Variants in PDCD6 observed in about 807,000 individuals in gnomAD.
PDCD6 encodes programmed cell death protein 6.
In PDCD6, 12 loss-of-function variants were observed where a neutral mutation model predicts 28.3. The observed-to-expected ratio is 0.42, with a 90% CI of 0.27 to 0.69. The LOEUF (loss-of-function observed/expected upper bound fraction) is 0.69. PDCD6 is among the 30% of genes least tolerant of loss of function. PDCD6 has a pLI of 0.22. For synonymous variants in PDCD6, 92 were observed against 108.0 expected (o/e 0.85, Z 0.92); for missense variants, 226 against 269.9 (o/e 0.84, Z 1.14).
chr5:287,407 G>C (rs1394285477), intron 2 of PDCD6, among the ~76,000 whole-genome samples: 4 of 152,150 alleles, frequency 2.6e-5, no homozygotes, highest in African/African-American at 9.7e-5. Context: ...GAGCTTCTCA[G>C]TCCTCGGGAT....
At chr5:284,338 G>A (rs1251577922) in intron 2 of PDCD6, among the ~76,000 whole-genome samples, 2 of 152,230 alleles carry the variant, frequency 1.3e-5, no homozygotes, top group Non-Finnish European at 2.9e-5. Context: ...GGGTCGTTCA[G>A]CTGAAGACTC....
At chr5:284,874 C>CA (rs1554006085) in intron 2 of PDCD6, among the ~76,000 whole-genome samples, 13 of 143,216 alleles carry the variant, frequency 9.1e-5, no homozygotes, top group Admixed American at 2.8e-4. Flanking sequence ...GGAGACCCCG[C>CA]GGGAAGCTGA....
intron 2 of PDCD6, among the ~76,000 whole-genome samples, chr5:287,919 C>A (rs1303708924): frequency 6.6e-6 from 1 of 152,212 alleles, no homozygotes; most frequent in East Asian, 1.9e-4. Context: ...CTGCTTGGTT[C>A]TGAGATGGCC....
chr5:303,302 A>T (rs1265584807), intron 2 of PDCD6, among the ~76,000 whole-genome samples: 1 of 151,894 alleles, frequency 6.6e-6, no homozygotes, highest in Non-Finnish European at 1.5e-5. Context: ...GTGCATAAAA[A>T]AAAAAAAAAA....
chr5:313,210 T>C (rs1348798492), intron 5 of PDCD6, among the ~76,000 whole-genome samples: 1 of 152,244 alleles, frequency 6.6e-6, no homozygotes, highest in African/African-American at 2.4e-5. Flanking sequence ...AGACCTCAAG[T>C]TAAAATTCCC....
At chr5:308,093 C>G (rs936993740) in intron 4 of PDCD6, 4 of 152,270 alleles carry the variant, frequency 2.6e-5, no homozygotes, top group African/African-American at 9.6e-5. Context: ...AGAGAGTGGT[C>G]CTGGGGGCCA....
At chr5:306,260 G>C in intron 3 of PDCD6, 1 of 251,366 alleles carries the variant, frequency 4.0e-6, no homozygotes, top group Non-Finnish European at 8.2e-6. Context: ...CCCGTGCCTC[G>C]GAAGCTGAGT....
At chr5:287,560 T>G (rs1183757364) in intron 2 of PDCD6, among the ~76,000 whole-genome samples, 2 of 152,222 alleles carry the variant, frequency 1.3e-5, no homozygotes, top group Non-Finnish European at 2.9e-5. Flanking sequence ...AATTAAGCTA[T>G]GATTATCCTG....
At chr5:292,271 G>A (rs1739359140) in intron 2 of PDCD6, among the ~76,000 whole-genome samples, 1 of 152,032 alleles carries the variant, frequency 6.6e-6, no homozygotes, top group Admixed American at 6.6e-5. Flanking sequence ...CTATTGTTAT[G>A]TTTTTGAGAC....
intron 2 of PDCD6, among the ~76,000 whole-genome samples, chr5:284,777 G>A (rs904696400): frequency 4.0e-5 from 6 of 151,390 alleles, no homozygotes; most frequent in Admixed American, 6.6e-5. Flanking sequence ...CCAGTTTGAG[G>A]GCCGGGGAGC....
At chr5:287,723 A>G (rs1299050316) in intron 2 of PDCD6, among the ~76,000 whole-genome samples, 1 of 152,198 alleles carries the variant, frequency 6.6e-6, no homozygotes, top group African/African-American at 2.4e-5. Flanking sequence ...AATGTCATAC[A>G]AATTATGGTG....
rs1439140748 is a variant in PDCD6, at chr5:277,383, G to A, written c.163+4611G>A. On this transcript the variant is annotated intron_variant, in intron 2 of 5. Transcript: ENST00000264933. ...GTGGCACTATCTTGGCTCACTGCAA[G>A]CTCCGCCTCCTGGGTTCATGCCATT... Among the ~76,000 whole-genome samples, 12 of 144,550 alleles carry A rather than the reference G, an allele frequency of 8.3e-5. No individual in the cohort carries two copies. The Admixed American group carries it at 8.6e-4, about 10-fold the overall frequency. 94.8% of individuals were successfully genotyped at this position (144,550 alleles called of 152,430 possible).
chr5:306,621 C>G lies in PDCD6; in HGVS notation c.228C>G (p.Asn76Lys). ...TCTCAGCCATGTTTGACCGTGAGAA[C>G]AAGGCCGGCGTGAACTTCAGCGAGT... ...RSIISMFDRENKAGVNFSEFT... is the reference protein window; with the variant it reads ...RSIISMFDREKKAGVNFSEFT... The change falls in exon 4 of 6, where the codon AAC becomes AAG. Residue 76 changes from asparagine (N) to lysine (K), a missense_variant. Asn to Lys is a moderately conservative substitution (Grantham distance 94). Coordinates refer to ENST00000264933, the MANE Select transcript of PDCD6 (RefSeq NM_013232.4). 1.2e-6 allele frequency: 2 copies of G among 1,613,918 alleles called. No homozygotes were observed. The highest frequency in any genetic ancestry group is 1.7e-6 in the Non-Finnish European group (2 of 1,179,990).
chr5:303,498 G>A (rs1163133265), intron 2 of PDCD6, among the ~76,000 whole-genome samples: 1 of 151,856 alleles, frequency 6.6e-6, no homozygotes, highest in Non-Finnish European at 1.5e-5. Flanking sequence ...ATGGTTGTGA[G>A]CGCTCAAGGG....
rs55855512 is a variant in PDCD6, at chr5:305,799, T to C, written c.209-803T>C. On this transcript the variant is annotated intron_variant, in intron 3 of 5. Transcript: ENST00000264933. This position sits in a 1 kb window ranked among gnomAD's most constrained non-coding sequence, Gnocchi z 4.0. ...AAACAGCCACTGGTTGCACACAGGG[T>C]TGTGGACTGTTGGGAAGAAACATCG... The C allele has an allele frequency of 6.6e-6, 1 of 152,194 alleles. No individual in the cohort carries two copies. The highest frequency in any genetic ancestry group is 1.9e-4 in the East Asian group (1 of 5,186). 9.4% of individuals were successfully genotyped at this position (152,194 alleles called of 1,614,324 possible).
At chr5:292,592 C>T (rs1281753956) in intron 2 of PDCD6, among the ~76,000 whole-genome samples, 1 of 152,170 alleles carries the variant, frequency 6.6e-6, no homozygotes, top group Non-Finnish European at 1.5e-5. Flanking sequence ...CTCTTTATAC[C>T]TGTTCATTCC....
At chr5:297,321 C>T (rs1206865380) in intron 2 of PDCD6, among the ~76,000 whole-genome samples, 1 of 152,228 alleles carries the variant, frequency 6.6e-6, no homozygotes, top group East Asian at 1.9e-4. Context: ...CTAGCAGAAA[C>T]TTATGCTTCT....
rs1409865904 is a variant in PDCD6, at chr5:276,637, T to C, written c.163+3865T>C. 5.1e-6 allele frequency: 5 copies of C among 980,224 alleles called. No individual in the cohort carries two copies. In the African/African-American group the frequency reaches 8.8e-5, roughly 17 times the overall value. 60.7% of individuals were successfully genotyped at this position (980,224 alleles called of 1,614,324 possible). On this transcript the variant is annotated intron_variant, in intron 2 of 5. Coordinates refer to ENST00000264933, the MANE Select transcript of PDCD6 (RefSeq NM_013232.4). Reference sequence around the variant, plus strand: ...TAATTGTGCTCCCAGATTGGGCTTCTGTTTTGATAGTAGAACTAAATTATT... The same window carrying C: ...TAATTGTGCTCCCAGATTGGGCTTCCGTTTTGATAGTAGAACTAAATTATT...
intron 5 of PDCD6, chr5:313,716 C>T (rs1246667251): frequency 6.5e-6 from 1 of 152,824 alleles, no homozygotes; most frequent in Admixed American, 6.6e-5. Context: ...TGCTCCATCA[C>T]CCAGGCCAGA....
Sources: gnomAD v4.1 joint callset for allele counts (sites outside exome capture counted in the v4.1 genomes callset) on GRCh38, gnomAD v4.1.1 for gene constraint, Gnocchi (gnomAD v3.1) non-coding constraint, MANE v1.5 for transcripts, NCBI Gene and HGNC (gene_info 2026-07-23, HGNC 2026-07-21) for gene names.